The following GPATCH2 variants were observed in gnomAD, a reference collection of about 807,000 sequenced individuals.
GPATCH2 encodes G-patch domain containing 2, also known as G patch domain-containing protein 2.
A neutral mutation model predicts 58.0 loss-of-function variants in GPATCH2; 51 were observed. The ratio of observed to expected loss-of-function variants is 0.88; its 90% confidence interval spans 0.70 to 1.11. GPATCH2 has a LOEUF of 1.11. Among genes scored for constraint, GPATCH2 ranks in the 50% most tolerant of loss-of-function variants. GPATCH2 has a pLI of 0.00. For synonymous variants in GPATCH2, 222 were observed against 218.5 expected (o/e 1.02, Z -0.14); for missense variants, 625 against 652.2 (o/e 0.96, Z 0.45).
At chr1:217,597,177 T>A (rs1264544816) in intron 5 of GPATCH2, among the ~76,000 whole-genome samples, 16 of 148,974 alleles carry the variant, frequency 1.1e-4, no homozygotes, top group African/African-American at 3.9e-4. Flanking sequence ...AAAAAAAAAA[T>A]TAAAGATTAG....
At chr1:217,454,395 C>G (rs1416519677) in intron 8 of GPATCH2, among the ~76,000 whole-genome samples, 1 of 151,936 alleles carries the variant, frequency 6.6e-6, no homozygotes, top group African/African-American at 2.4e-5. Context: ...CGAGACCATC[C>G]TGGCTAACAC....
At chr1:217,438,190 C>T (rs1658938761) in intron 9 of GPATCH2, among the ~76,000 whole-genome samples, 1 of 152,140 alleles carries the variant, frequency 6.6e-6, no homozygotes, top group Non-Finnish European at 1.5e-5. Context: ...GCATCAACAT[C>T]AACAAAAATG....
chr1:217,511,490 AC>A (rs1254407474), intron 6 of GPATCH2, among the ~76,000 whole-genome samples: 1 of 152,174 alleles, frequency 6.6e-6, no homozygotes, highest in African/African-American at 2.4e-5. Context: ...TAGTTTTTCT[AC>A]TATGAGATGC....
intron 5 of GPATCH2, chr1:217,609,126 T>G (rs1416683856): frequency 2.3e-6 from 2 of 877,142 alleles, no homozygotes; most frequent in African/African-American, 3.6e-5. Flanking sequence ...AATATCATTT[T>G]AATATAACCA....
intron 6 of GPATCH2, among the ~76,000 whole-genome samples, chr1:217,513,295 GA>G (rs200769669): frequency 3.7e-4 from 53 of 144,462 alleles, no homozygotes; most frequent in East Asian, 6.0e-4. Flanking sequence ...TTGTCTCAGG[GA>G]AAAAAAAAAA....
intron 5 of GPATCH2, among the ~76,000 whole-genome samples, chr1:217,584,346 T>A (rs1056020255): frequency 0.039 from 1,963 of 49,954 alleles, 37 homozygotes; most frequent in South Asian, 0.09. Context: ...AAAAAAAAAA[T>A]ATATATATAT....
At chr1:217,593,610 A>G (rs1417032639) in intron 5 of GPATCH2, among the ~76,000 whole-genome samples, 3 of 152,004 alleles carry the variant, frequency 2.0e-5, no homozygotes, top group Non-Finnish European at 2.9e-5. Context: ...TTTTAATTTT[A>G]TGAGGCTTAA....
intron 8 of GPATCH2, among the ~76,000 whole-genome samples, chr1:217,455,415 T>A (rs1659896296): frequency 6.6e-6 from 1 of 152,116 alleles, no homozygotes; most frequent in Non-Finnish European, 1.5e-5. Context: ...CTATGTTGAT[T>A]AACCTTCCAC....
Position 217,612,023 on chromosome 1 carries a change from A to T in GPATCH2, c.836-952T>A, listed in dbSNP as rs578253893. 8.6e-5 allele frequency among the ~76,000 whole-genome samples: 13 copies of T among 152,024 alleles called. No homozygotes were observed. The East Asian group carries it at 2.5e-3, about 29-fold the overall frequency. ...AGCGAGACCCTGTCTCTACAAAAAGATTAAAAATTAGCCGGGCATGATGAC... is the reference window on the plus strand; with the variant it reads ...AGCGAGACCCTGTCTCTACAAAAAGTTTAAAAATTAGCCGGGCATGATGAC... On this transcript the variant is annotated intron_variant, in intron 3 of 9. Transcript: ENST00000366935.
chr1:217,626,366 T>C (rs3790733), intron 1 of GPATCH2, among the ~76,000 whole-genome samples: 2 of 152,060 alleles, frequency 1.3e-5, no homozygotes, highest in African/African-American at 4.8e-5. Context: ...GATAGTCTTG[T>C]ACTTATACGC....
chr1:217,584,225 C>T (rs1219770660), intron 5 of GPATCH2, among the ~76,000 whole-genome samples: 4 of 150,490 alleles, frequency 2.7e-5, no homozygotes, highest in East Asian at 2.0e-4. Flanking sequence ...AGGCCTCCCG[C>T]GGTGGCTCAC....
At chr1:217,595,691 G>C (rs1050248138) in intron 5 of GPATCH2, among the ~76,000 whole-genome samples, 1 of 151,914 alleles carries the variant, frequency 6.6e-6, no homozygotes, top group African/African-American at 2.4e-5. Context: ...GTAGAGAAAG[G>C]GTTTTGCCAT....
At chr1:217,512,474 A>T (rs891644232) in intron 6 of GPATCH2, among the ~76,000 whole-genome samples, 1 of 152,252 alleles carries the variant, frequency 6.6e-6, no homozygotes, top group African/African-American at 2.4e-5. Flanking sequence ...AAATGACTAG[A>T]TCTTCCTGAA....
intron 9 of GPATCH2, among the ~76,000 whole-genome samples, chr1:217,445,292 T>C (rs1025791603): frequency 1.3e-5 from 2 of 152,144 alleles, no homozygotes; most frequent in African/African-American, 2.4e-5. Context: ...TTTCATACTG[T>C]ACAGTGGACA....
intron 5 of GPATCH2, among the ~76,000 whole-genome samples, chr1:217,596,444 C>A (rs1233781123): frequency 6.6e-6 from 1 of 152,108 alleles, no homozygotes; most frequent in Non-Finnish European, 1.5e-5. Context: ...CCCTCAGTTT[C>A]CTGGTCTATA....
chr1:217,436,908 T>C (rs1327961103), intron 9 of GPATCH2, among the ~76,000 whole-genome samples: 1 of 152,152 alleles, frequency 6.6e-6, no homozygotes, highest in Admixed American at 6.5e-5. Context: ...TATTATATCA[T>C]CAACATTTTC....
At chr1:217,447,088 G>A (rs265125) in intron 9 of GPATCH2, among the ~76,000 whole-genome samples, 27,746 of 152,108 alleles carry the variant, frequency 0.18, 2,908 homozygotes, top group African/African-American at 0.29. Context: ...CTGGAATGCA[G>A]ATGTTAAAGA....
At chr1:217,605,043 T>C (rs1020225153) in intron 5 of GPATCH2, among the ~76,000 whole-genome samples, 4 of 151,156 alleles carry the variant, frequency 2.6e-5, no homozygotes, top group African/African-American at 9.7e-5. Flanking sequence ...TAAAATAAAA[T>C]AAAATAAATG....
chr1:217,536,365 CAA>C (rs1457116210), intron 5 of GPATCH2, among the ~76,000 whole-genome samples: 1 of 152,134 alleles, frequency 6.6e-6, no homozygotes, highest in Non-Finnish European at 1.5e-5. Flanking sequence ...CTCTGGCAAA[CAA>C]GAGGCATACA....
Sources: gnomAD v4.1 joint callset for allele counts (sites outside exome capture counted in the v4.1 genomes callset) on GRCh38, gnomAD v4.1.1 for gene constraint, MANE v1.5 for transcripts, NCBI Gene and HGNC (gene_info 2026-07-23, HGNC 2026-07-21) for gene names.